Variants in CDK1 observed in about 807,000 individuals in gnomAD.
CDK1 encodes the protein cyclin-dependent kinase 1.
CDK1 carries 5 observed loss-of-function variants against 34.6 expected under a neutral mutation model. The ratio of observed to expected loss-of-function variants is 0.14; its 90% CI spans 0.08 to 0.30. The LOEUF is 0.30. Among genes scored for constraint, CDK1 ranks in the 10% least tolerant of loss-of-function variants. The pLI, the probability that CDK1 is intolerant of heterozygous loss-of-function variation, is 1.00. For missense variants in CDK1, 157 were observed against 345.7 expected, an observed-to-expected ratio of 0.45 and a Z score of 4.33; for synonymous variants, 108 against 114.7, an observed-to-expected ratio of 0.94 and a Z score of 0.37.
intron 4 of CDK1, chr10:60,786,654 C>A: frequency 5.7e-6 from 1 of 175,514 alleles, no homozygotes; most frequent in Non-Finnish European, 1.1e-5. Context: ...CCCTAAAAAA[C>A]TTGTAGCAAT....
At chr10:60,790,582 T>C (rs1218088268) in intron 5 of CDK1, among the ~76,000 whole-genome samples, 1 of 152,218 alleles carries the variant, frequency 6.6e-6, no homozygotes, top group Non-Finnish European at 1.5e-5. Context: ...TCTTGAGCTT[T>C]TGAGGTCTTA....
At chr10:60,791,287 G>T (rs1288940383) in intron 5 of CDK1, among the ~76,000 whole-genome samples, 1 of 151,862 alleles carries the variant, frequency 6.6e-6, no homozygotes, top group African/African-American at 2.4e-5. Context: ...ACATTAGATT[G>T]CTTTCTTGAT....
intron 4 of CDK1, chr10:60,786,049 T>G (rs2080312912): frequency 2.4e-5 from 26 of 1,073,830 alleles, no homozygotes; most frequent in Non-Finnish European, 2.9e-5. Flanking sequence ...TAGTCTGGTC[T>G]TTCTTTGGCT....
At chr10:60,792,390 G>A in intron 7 of CDK1, 101 bp downstream of exon 7, 2 of 1,056,486 alleles carry the variant, frequency 1.9e-6, no homozygotes, top group South Asian at 3.2e-5. Flanking sequence ...TAACATTTTT[G>A]AGCTAGGTGT....
intron 2 of CDK1, 74 bp from the exon 3 acceptor site, chr10:60,784,631 A>AG: frequency 7.9e-7 from 1 of 1,272,036 alleles, no homozygotes; most frequent in Non-Finnish European, 1.1e-6. Flanking sequence ...CCCTGCCATA[A>AG]GGAAAAAAAA....
At chr10:60,784,135 T>C (rs1448082192) in intron 2 of CDK1, among the ~76,000 whole-genome samples, 1 of 152,228 alleles carries the variant, frequency 6.6e-6, no homozygotes, top group Non-Finnish European at 1.5e-5. Flanking sequence ...TTTTGTTCTG[T>C]AAAATATGCT....
At chr10:60,780,244 C>G (rs1469822249) in intron 2 of CDK1, 42 bp downstream of exon 2, 1 of 991,350 alleles carries the variant, frequency 1.0e-6, no homozygotes, top group Non-Finnish European at 1.6e-6. Context: ...AATGATTTAA[C>G]AATGCTACAA....
chr10:60,790,432 G>A (rs1032522826), intron 5 of CDK1, among the ~76,000 whole-genome samples: 4 of 152,082 alleles, frequency 2.6e-5, no homozygotes, highest in Admixed American at 2.0e-4. Flanking sequence ...ATTTTTTAGA[G>A]ACGGGGCTGT....
intron 4 of CDK1, chr10:60,787,859 G>A (rs1461541714): frequency 5.9e-6 from 2 of 338,568 alleles, no homozygotes; most frequent in Non-Finnish European, 1.1e-5. Context: ...TCTATAAGGT[G>A]AAGATTCTTT....
intron 4 of CDK1, chr10:60,786,637 G>T (rs928383939): frequency 1.2e-5 from 2 of 165,566 alleles, no homozygotes; most frequent in African/African-American, 4.8e-5. Flanking sequence ...AGATATTGCC[G>T]GTTGCCCCCT....
At chr10:60,788,950 T>C (rs1370373347) in intron 5 of CDK1, among the ~76,000 whole-genome samples, 1 of 152,148 alleles carries the variant, frequency 6.6e-6, no homozygotes, top group Non-Finnish European at 1.5e-5. Context: ...AAGATTATTT[T>C]GTTTTCTTTG....
intron 2 of CDK1, among the ~76,000 whole-genome samples, chr10:60,782,226 G>T (rs937763933): frequency 3.3e-5 from 5 of 152,178 alleles, no homozygotes; most frequent in Non-Finnish European, 7.3e-5. Flanking sequence ...TTACCAAGAT[G>T]TTGGTGTTTT....
At chr10:60,784,939 T>C in intron 3 of CDK1, 78 bp downstream of exon 3, 1 of 1,362,766 alleles carries the variant, frequency 7.3e-7, no homozygotes. Flanking sequence ...AATCTTTACA[T>C]TTGCTCAATT....
At chr10:60,780,069 T>C (rs1199317195) in intron 1 of CDK1, 72 bp from the exon 2 acceptor site, 2 of 749,918 alleles carry the variant, frequency 2.7e-6, no homozygotes, top group Non-Finnish European at 4.8e-6. Flanking sequence ...GCTTTACATA[T>C]AGTGTTTCAT....
intron 7 of CDK1, among the ~76,000 whole-genome samples, 189 bp downstream of exon 7, chr10:60,792,478 A>G (rs2132075987): frequency 6.6e-6 from 1 of 152,210 alleles, no homozygotes; most frequent in South Asian, 2.1e-4. Flanking sequence ...AGGATTTAGC[A>G]TTAGTTTTTG....
intron 7 of CDK1, among the ~76,000 whole-genome samples, chr10:60,793,038 A>G (rs1453923019): frequency 1.3e-5 from 2 of 152,114 alleles, no homozygotes; most frequent in African/African-American, 4.8e-5. Context: ...CCTGATGGGC[A>G]AAGTCTATCC....
intron 3 of CDK1, among the ~76,000 whole-genome samples, chr10:60,785,151 C>T (rs2080304626): frequency 6.6e-6 from 1 of 152,118 alleles, no homozygotes; most frequent in African/African-American, 2.4e-5. Context: ...TCAACTCTCT[C>T]CTACTTGGGG....
At chr10:60,780,495 A>G (rs771420066) in intron 2 of CDK1, among the ~76,000 whole-genome samples, 4 of 152,118 alleles carry the variant, frequency 2.6e-5, no homozygotes, top group Non-Finnish European at 4.4e-5. Context: ...GATAACTTGC[A>G]TGTGTGTTGA....
rs1441101988 is a variant in CDK1, at chr10:60,794,153, A to G, written c.*178A>G. The G allele has an allele frequency of 7.0e-6, 3 of 425,998 alleles. No individual in the cohort carries two copies. The highest frequency in any genetic ancestry group is 4.2e-5 in the Admixed American group (1 of 23,574). 26.4% of individuals were successfully genotyped at this position (425,998 alleles called of 1,614,324 possible). A position where few individuals can be genotyped will look rare whatever the true frequency, so the allele number is the denominator to read the frequency against. On this transcript the variant is annotated 3_prime_UTR_variant, in exon 8 of 8. Transcript: ENST00000395284. ...AATATTCTATATGAATTTAAATATA[A>G]TTCTGTAAATGTGTGTAGGTCTCAC...
Sources: allele counts gnomAD v4.1 joint callset (sites outside exome capture counted in the v4.1 genomes callset), GRCh38; gene constraint gnomAD v4.1.1; transcripts MANE v1.5; gene names NCBI Gene and HGNC (gene_info 2026-07-23, HGNC 2026-07-21).